EHHADH: variants seen among roughly 807,000 people sequenced by gnomAD.
EHHADH encodes peroxisomal bifunctional enzyme.
EHHADH carries 48 observed loss-of-function variants against 64.4 expected under a neutral mutation model. The observed-to-expected ratio is 0.75, with a 90% CI of 0.59 to 0.95. The LOEUF is 0.95. Among genes scored for constraint, EHHADH ranks in the 40% least tolerant of loss-of-function variants. The pLI is 0.00. For synonymous variants in EHHADH, 308 were observed against 326.7 expected (o/e 0.94, Z 0.62); for missense variants, 854 against 876.6 (o/e 0.97, Z 0.33).
chr3:185,197,286 CT>C (rs1718089005), intron 6 of EHHADH, among the ~76,000 whole-genome samples: 1 of 152,138 alleles, frequency 6.6e-6, no homozygotes, highest in South Asian at 2.1e-4. Flanking sequence ...TATGCATTTT[CT>C]GATTTTTAAA....
At chr3:185,211,866 C>T (rs1461700349) in intron 5 of EHHADH, among the ~76,000 whole-genome samples, 1 of 152,190 alleles carries the variant, frequency 6.6e-6, no homozygotes, top group Non-Finnish European at 1.5e-5. Flanking sequence ...AAAGCCACAA[C>T]TCCAAAAGAA....
chr3:185,195,472 G>GT (rs1718033311), intron 6 of EHHADH, among the ~76,000 whole-genome samples: 1 of 152,126 alleles, frequency 6.6e-6, no homozygotes. Context: ...TAAACATGGA[G>GT]TTACTTTATG....
intron 5 of EHHADH, among the ~76,000 whole-genome samples, chr3:185,213,495 G>A (rs1055812889): frequency 6.6e-6 from 1 of 152,130 alleles, no homozygotes; most frequent in African/African-American, 2.4e-5. Context: ...TATATTTAAT[G>A]TAATTAACAT....
In EHHADH at chr3:185,191,929, A is replaced by C. The variant is rs2108621330; in HGVS notation, c.*297T>G. ...TTATTAATTGATGACACATTTATCC[A>C]ATGATAAAAGCATTTGAGAATCTCA... is the stretch of plus-strand genomic sequence containing the variant. On this transcript the variant is annotated 3_prime_UTR_variant, in exon 7 of 7. Transcript: ENST00000231887. The C allele has an allele frequency of 7.9e-6, 3 of 378,026 alleles. No individual in the cohort carries two copies. The South Asian group carries it at 1.4e-4, about 18-fold the overall frequency. The allele number at this position is 378,026 out of a possible 1,614,324, so 23.4% of individuals were successfully genotyped here. A position where few individuals can be genotyped will look rare whatever the true frequency, so the allele number is the denominator to read the frequency against.
chr3:185,249,894 T>C (rs1719700189), intron 1 of EHHADH, among the ~76,000 whole-genome samples: 1 of 152,194 alleles, frequency 6.6e-6, no homozygotes. Context: ...ATATGCAACT[T>C]TGGGGAAGAG....
chr3:185,218,017 G>A (rs1280394713), intron 5 of EHHADH, 119 bp downstream of exon 5: 8 of 542,982 alleles, frequency 1.5e-5, no homozygotes, highest in Non-Finnish European at 2.2e-5. Flanking sequence ...CGCCCACCTC[G>A]GACTCCCAGA....
At chr3:185,250,520 T>G (rs1403432436) in intron 1 of EHHADH, among the ~76,000 whole-genome samples, 1 of 152,218 alleles carries the variant, frequency 6.6e-6, no homozygotes, top group Non-Finnish European at 1.5e-5. Flanking sequence ...CAGAACCAGA[T>G]TCCAATCAGT....
At chr3:185,208,220 A>T (rs1309788230) in intron 5 of EHHADH, among the ~76,000 whole-genome samples, 2 of 152,252 alleles carry the variant, frequency 1.3e-5, no homozygotes, top group Admixed American at 1.3e-4. Context: ...GCCCACAGTC[A>T]GTGAGGAACT....
chr3:185,193,251 A>C lies in EHHADH; in HGVS notation c.1147T>G (p.Phe383Val). The C allele has an allele frequency of 1.9e-6, 3 of 1,601,424 alleles. No individual in the cohort carries two copies. Among genetic ancestry groups the C allele is most frequent in the Non-Finnish European group, 2.6e-6 (3 of 1,174,912 alleles). Reference sequence around the variant, plus strand: ...TGCTTCTTCAGGCTCATTTCCTCAAATACTGCTTCAATGACTAAATCTACA... The same window carrying C: ...TGCTTCTTCAGGCTCATTTCCTCAACTACTGCTTCAATGACTAAATCTACA... ...GGVDLVIEAV[F>V]EEMSLKKQVF... Residue 383 changes from phenylalanine to valine, a missense_variant, in exon 7 of 7, where the codon TTT becomes GTT. By Grantham distance (50) the Phe-to-Val change is conservative (BLOSUM62 -1). Transcript: ENST00000231887.
chr3:185,215,983 AAC>A (rs1158386433), intron 5 of EHHADH, among the ~76,000 whole-genome samples: 2 of 152,224 alleles, frequency 1.3e-5, no homozygotes, highest in African/African-American at 4.8e-5. Flanking sequence ...TTAAAATAGT[AAC>A]ACATAATTGT....
chr3:185,218,018 GA>G (rs1238731699), intron 5 of EHHADH, 117 bp downstream of exon 5: 2 of 555,312 alleles, frequency 3.6e-6, no homozygotes, highest in African/African-American at 3.9e-5. Flanking sequence ...GCCCACCTCG[GA>G]CTCCCAGAGT....
chr3:185,244,642 C>A (rs900729344), intron 2 of EHHADH, among the ~76,000 whole-genome samples: 5 of 151,946 alleles, frequency 3.3e-5, no homozygotes, highest in Admixed American at 6.6e-5. Context: ...TTAGGGTGGG[C>A]CTATAGAAGA....
chr3:185,235,476 G>T lies in EHHADH; in HGVS notation c.179-14C>A, dbSNP rs1224286505. 4 of 1,593,218 alleles carry T rather than the reference G, an allele frequency of 2.5e-6. No homozygotes were observed. In the African/African-American group the frequency reaches 5.4e-5, roughly 22 times the overall value. Reference sequence around the variant, plus strand: ...GAATATCAGCACCTAAGGGCACAAAGACAAGGAGAAAACAGAGTTGAGAAA... The same window carrying T: ...GAATATCAGCACCTAAGGGCACAAATACAAGGAGAAAACAGAGTTGAGAAA... On this transcript the variant is annotated splice_polypyrimidine_tract_variant and intron_variant, in intron 2 of 6. Coordinates refer to ENST00000231887, the MANE Select transcript of EHHADH (RefSeq NM_001966.4).
chr3:185,240,592 G>T (rs1322476973), intron 2 of EHHADH, among the ~76,000 whole-genome samples: 1 of 151,444 alleles, frequency 6.6e-6, no homozygotes, highest in Non-Finnish European at 1.5e-5. Flanking sequence ...AGCATCTTTT[G>T]TCTTTTTGTG....
rs564155264 is a variant in EHHADH, at chr3:185,229,672, G to A, written c.352-129C>T. On this transcript the variant is annotated intron_variant, in intron 3 of 6. Coordinates refer to ENST00000231887, the MANE Select transcript of EHHADH (RefSeq NM_001966.4). The stretch of plus-strand genomic sequence containing the variant: ...ACTGAATTCAGCAAGATTTCTACAG[G>A]GCAAATTAGTGCACATCCTTTTCTT... 4 of 480,044 alleles carry A rather than the reference G, an allele frequency of 8.3e-6. No individual in the cohort carries two copies. The East Asian group carries it at 1.3e-4, about 16-fold the overall frequency. The allele number at this position is 480,044 out of a possible 1,614,324, so 29.7% of individuals were successfully genotyped here. A position where few individuals can be genotyped will look rare whatever the true frequency, so the allele number is the denominator to read the frequency against.
intron 2 of EHHADH, among the ~76,000 whole-genome samples, chr3:185,242,448 T>C (rs1016469721): frequency 5.9e-5 from 9 of 152,084 alleles, no homozygotes; most frequent in African/African-American, 1.7e-4. Flanking sequence ...CAAAACAGCA[T>C]GGTACTAGTA....
At position 185,218,244 on chromosome 3, in the gene EHHADH, A is replaced by T. The variant is rs764049343; in HGVS notation, c.464-4T>A. ...TCATCTGCTAAAATACGTCTTCCTG[A>T]AATAAACAACAACAACAATAACAAC... On this transcript the variant is annotated splice_polypyrimidine_tract_variant and splice_region_variant and intron_variant, in intron 4 of 6. Coordinates refer to ENST00000231887, the MANE Select transcript of EHHADH (RefSeq NM_001966.4). 1 of 1,592,546 alleles carries T rather than the reference A, an allele frequency of 6.3e-7. No individual in the cohort carries two copies. The highest frequency in any genetic ancestry group is 1.1e-5 in the South Asian group (1 of 89,902).
intron 2 of EHHADH, among the ~76,000 whole-genome samples, chr3:185,245,280 A>G (rs1177766594): frequency 2.6e-5 from 4 of 152,218 alleles, no homozygotes; most frequent in Non-Finnish European, 5.9e-5. Flanking sequence ...AAAGTAGTCT[A>G]TACATATGTC....
In EHHADH at chr3:185,192,353, T is replaced by G. The variant is rs759544231; in HGVS notation, c.2045A>C (p.Tyr682Ser). The change falls in exon 7 of 7, where the codon TAT becomes TCT. Residue 682 changes from tyrosine (Y) to serine (S), a missense_variant. Tyr to Ser is a moderately radical substitution (Grantham distance 144). Transcript: ENST00000231887. ...LPTVLEKLQK[Y>S]YRQNPDIPQL... Reference sequence around the variant, plus strand: ...GGGAATATCAGGGTTCTGCCTGTAATATTTCTGCAATTTCTCTAGAACTGT... The same window carrying G: ...GGGAATATCAGGGTTCTGCCTGTAAGATTTCTGCAATTTCTCTAGAACTGT... The G allele has an allele frequency of 9.3e-6, 15 of 1,614,174 alleles. No homozygotes were observed. Among genetic ancestry groups the G allele is most frequent in the Non-Finnish European group, 1.2e-5 (14 of 1,180,028 alleles).
Sources: gnomAD v4.1 joint callset for allele counts (sites outside exome capture counted in the v4.1 genomes callset) on GRCh38, gnomAD v4.1.1 for gene constraint, MANE v1.5 for transcripts, NCBI Gene and HGNC (gene_info 2026-07-23, HGNC 2026-07-21) for gene names.